FGFR2: variants seen among roughly 807,000 people sequenced by gnomAD.
FGFR2 encodes the protein fibroblast growth factor receptor 2, also known as BEK fibroblast growth factor receptor.
In FGFR2, 19 loss-of-function variants were observed where a neutral mutation model predicts 95.9. The observed-to-expected ratio is 0.20, with a 90% CI of 0.14 to 0.29. FGFR2 has a LOEUF of 0.29. FGFR2 is among the 10% of genes least tolerant of loss of function. FGFR2 has a pLI of 1.00. For missense variants in FGFR2, 707 were observed against 1,056.9 expected, an observed-to-expected ratio of 0.67 and a Z score of 4.59; for synonymous variants, 392 against 393.3, an observed-to-expected ratio of 1.00 and a Z score of 0.04.
In FGFR2 at chr10:121,478,662, G is replaced by T. The variant is rs1014192466; in HGVS notation, c.*1195C>A. 1 of 233,232 alleles carries T rather than the reference G, an allele frequency of 4.3e-6. No homozygotes were observed. The highest frequency in any genetic ancestry group is 5.6e-5 in the Admixed American group (1 of 17,780). The allele number at this position is 233,232 out of a possible 1,614,324, so 14.4% of individuals were successfully genotyped here. ...GATGGACGTATCCCCAAAACTATCAGCAGAACAACTCTGTGTTTCAATTTT... is the reference window on the plus strand; with the variant it reads ...GATGGACGTATCCCCAAAACTATCATCAGAACAACTCTGTGTTTCAATTTT... On this transcript the variant is annotated 3_prime_UTR_variant, in exon 18 of 18. Coordinates refer to ENST00000358487, the MANE Select transcript of FGFR2 (RefSeq NM_000141.5).
rs2135125808 is a variant in FGFR2 at position 121,565,721 on chromosome 10, G to A, written c.110-17C>T. On this transcript the variant is annotated splice_polypyrimidine_tract_variant and intron_variant, in intron 2 of 17. Transcript: ENST00000358487. The stretch of plus-strand genomic sequence containing the variant: ...TTGGTGGCTCTGCAGAAAGGTGGGA[G>A]AGAGAAGACGGAGACAGATGGGAAG... The A allele has an allele frequency of 6.2e-7, 1 of 1,614,124 alleles. No individual in the cohort carries two copies. Among genetic ancestry groups the A allele is most frequent in the Non-Finnish European group, 8.5e-7 (1 of 1,180,018 alleles).
chr10:121,560,058 A>G (rs937788834), intron 4 of FGFR2, among the ~76,000 whole-genome samples: 2 of 152,180 alleles, frequency 1.3e-5, no homozygotes, highest in African/African-American at 4.8e-5. Context: ...AAAACTGGAG[A>G]GCTGTAAACA....
chr10:121,524,144 ACACCC>A (rs1252718487), intron 6 of FGFR2, among the ~76,000 whole-genome samples: 1 of 129,168 alleles, frequency 7.7e-6, no homozygotes, highest in Non-Finnish European at 1.7e-5. Flanking sequence ...ACACACACAC[ACACCC>A]CAAGTTTGCA....
intron 8 of FGFR2, among the ~76,000 whole-genome samples, chr10:121,516,539 A>G (rs940261245): frequency 4.6e-5 from 7 of 152,222 alleles, no homozygotes; most frequent in Non-Finnish European, 8.8e-5. Flanking sequence ...GTGGAACATC[A>G]TAAGCTAGCA....
chr10:121,527,640 G>A (rs906723760), intron 6 of FGFR2: 4 of 152,014 alleles, frequency 2.6e-5, no homozygotes, highest in Non-Finnish European at 4.4e-5. Flanking sequence ...ATCTCAGAGT[G>A]AACAAGATCA....
Position 121,479,469 on chromosome 10 carries a change from A to C in FGFR2, c.*388T>G. 1.9e-6 allele frequency: 1 copy of C among 538,698 alleles called. No individual in the cohort carries two copies. Among genetic ancestry groups the C allele is most frequent in the Non-Finnish European group, 3.1e-6 (1 of 322,550 alleles). The allele number at this position is 538,698 out of a possible 1,614,324, so 33.4% of individuals were successfully genotyped here. On this transcript the variant is annotated 3_prime_UTR_variant, in exon 18 of 18. Coordinates refer to ENST00000358487, the MANE Select transcript of FGFR2 (RefSeq NM_000141.5). ...ATACATAATTTGAATATATTTACAT[A>C]CATCCAGCACCTATATACTGCATTT...
At chr10:121,575,152 A>G (rs550322852) in intron 2 of FGFR2, among the ~76,000 whole-genome samples, 1 of 152,190 alleles carries the variant, frequency 6.6e-6, no homozygotes, top group Non-Finnish European at 1.5e-5. Flanking sequence ...CCCTCATATC[A>G]TTTAAGTCTG....
rs1047894956 is a variant in FGFR2 at position 121,520,284 on chromosome 10, G to A, written c.749-115C>T. The A allele has an allele frequency of 2.8e-5, 29 of 1,043,404 alleles. No homozygotes were observed. The Admixed American group carries it at 7.3e-4, about 26-fold the overall frequency. 64.6% of individuals were successfully genotyped at this position (1,043,404 alleles called of 1,614,324 possible). On this transcript the variant is annotated intron_variant, in intron 6 of 17. Coordinates refer to ENST00000358487, the MANE Select transcript of FGFR2 (RefSeq NM_000141.5). The stretch of plus-strand genomic sequence containing the variant: ...CTCATGCCAGAAAAGCCTCAAGCCT[G>A]CTGGCTGACACCTTTGAAATAACAC...
intron 4 of FGFR2, among the ~76,000 whole-genome samples, chr10:121,553,360 C>T (rs183772795): frequency 2.6e-5 from 4 of 152,266 alleles, no homozygotes; most frequent in African/African-American, 4.8e-5. Flanking sequence ...TGCCCATAAA[C>T]GCACCTATTC....
At chr10:121,551,213 C>T (rs1855357926) in intron 5 of FGFR2, 77 bp downstream of exon 5, 1 of 1,535,594 alleles carries the variant, frequency 6.5e-7, no homozygotes, top group Non-Finnish European at 9.0e-7. Context: ...GAGCGAGACT[C>T]CATCGCAAAA....
chr10:121,516,177 T>G (rs1287787378), intron 8 of FGFR2, among the ~76,000 whole-genome samples: 1 of 152,198 alleles, frequency 6.6e-6, no homozygotes, highest in Non-Finnish European at 1.5e-5. Context: ...CAAATAGTGT[T>G]TTTCTCAAAC....
rs1448322020 is a variant in FGFR2, at chr10:121,478,759, A to G, written c.*1098T>C. The G allele has an allele frequency of 4.3e-6, 1 of 233,598 alleles. No individual in the cohort carries two copies. The highest frequency in any genetic ancestry group is 8.5e-6 in the Non-Finnish European group (1 of 118,022). The allele number at this position is 233,598 out of a possible 1,614,324, so 14.5% of individuals were successfully genotyped here. A position where few individuals can be genotyped will look rare whatever the true frequency, so the allele number is the denominator to read the frequency against. ...AGTCTGGAAGCCATTATCAAAATTC[A>G]CTGAAGAGAATACAGGCTAATCTGA... is the stretch of plus-strand genomic sequence containing the variant. On this transcript the variant is annotated 3_prime_UTR_variant, in exon 18 of 18. Transcript: ENST00000358487.
rs1296941849 is a variant in FGFR2, at chr10:121,496,653, G to A, written c.1742C>T (p.Pro581Leu). The change falls in exon 13 of 18, where the codon CCA (proline) becomes CTA (leucine). Residue 581 changes from proline (P) to leucine (L), a missense_variant. Around this residue, in one of 7 missense-constraint regions of FGFR2, gnomAD observed 37 missense variants for 34.1 expected, o/e 1.09. Transcript: ENST00000358487. ...NLREYLRARR[P>L]PGMEYSYDIN... Reference sequence around the variant, plus strand: ...GTCATAGGAGTACTCCATCCCGGGTGGCCTCCGGGCTCGGAGGTATTCTCG... The same window carrying A: ...GTCATAGGAGTACTCCATCCCGGGTAGCCTCCGGGCTCGGAGGTATTCTCG... 6.2e-7 allele frequency: 1 copy of A among 1,611,758 alleles called. No individual in the cohort carries two copies. Among genetic ancestry groups the A allele is most frequent in the East Asian group, 2.2e-5 (1 of 44,730 alleles).
Sources: allele counts gnomAD v4.1 joint callset (sites outside exome capture counted in the v4.1 genomes callset), GRCh38; gene constraint gnomAD v4.1.1; regional missense constraint gnomAD v4.1.1; transcripts MANE v1.5; gene names NCBI Gene and HGNC (gene_info 2026-07-23, HGNC 2026-07-21).